The following PCDHA5 variants were observed in gnomAD, a reference collection of about 807,000 sequenced individuals.
PCDHA5 encodes protocadherin alpha-5.
PCDHA5 carries 43 observed loss-of-function variants against 61.6 expected under a neutral mutation model. The ratio of observed to expected loss-of-function variants is 0.70; its 90% CI spans 0.55 to 0.90. PCDHA5 has a LOEUF of 0.90. PCDHA5 is among the 40% of genes least tolerant of loss of function. PCDHA5 has a pLI of 0.00. For missense variants in PCDHA5, 1,298 were observed against 1,222.7 expected, an observed-to-expected ratio of 1.06 and a Z score of -0.92; for synonymous variants, 627 against 543.9, an observed-to-expected ratio of 1.15 and a Z score of -2.13.
At chr5:140,870,659 T>C (rs2052268691) in intron 1 of PCDHA5, 2 of 1,612,520 alleles carry the variant, frequency 1.2e-6, no homozygotes, top group Non-Finnish European at 1.7e-6. Flanking sequence ...GTGTACGCGC[T>C]GCAGCCGTTG....
chr5:141,010,438 CA>C lies in PCDHA5; in HGVS notation c.*504del. ...TACAAGGAAGGCAAGAAAACAAAGA[CA>C]AATAAACAGCGGAAGTTATCAGTAT... On this transcript the variant is annotated 3_prime_UTR_variant, in exon 4 of 4. Transcript: ENST00000529859. 1.0e-6 allele frequency: 1 copy of C among 998,926 alleles called. No individual in the cohort carries two copies. The highest frequency in any genetic ancestry group is 1.4e-6 in the Non-Finnish European group (1 of 704,790). The allele number at this position is 998,926 out of a possible 1,614,324, so 61.9% of individuals were successfully genotyped here.
chr5:140,887,140 A>T (rs1414836088), intron 1 of PCDHA5, among the ~76,000 whole-genome samples: 3 of 150,560 alleles, frequency 2.0e-5, no homozygotes, highest in Non-Finnish European at 4.4e-5. Context: ...TCTGTCGCCC[A>T]GGCTGGAGTA....
chr5:140,850,200 C>T, intron 1 of PCDHA5: 1 of 1,593,442 alleles, frequency 6.3e-7, no homozygotes. Context: ...GCTGACACCT[C>T]GGATGAGGGG....
intron 1 of PCDHA5, among the ~76,000 whole-genome samples, chr5:140,844,789 C>A (rs2150373812): frequency 6.7e-6 from 1 of 149,202 alleles, no homozygotes; most frequent in African/African-American, 2.4e-5. Flanking sequence ...TGGTATCTTT[C>A]AACATTTTCT....
At chr5:140,967,876 G>C (rs369514758) in intron 1 of PCDHA5, 1 of 1,614,144 alleles carries the variant, frequency 6.2e-7, no homozygotes, top group Non-Finnish European at 8.5e-7. Flanking sequence ...TCACGGACCT[G>C]TATAGCCCAG....
chr5:140,891,096 T>A (rs926770209), intron 1 of PCDHA5, among the ~76,000 whole-genome samples: 1 of 152,210 alleles, frequency 6.6e-6, no homozygotes, highest in African/African-American at 2.4e-5. Context: ...ATTGTTGCTG[T>A]CAAGAATTTA....
At chr5:140,919,254 T>A (rs1554198989) in intron 1 of PCDHA5, among the ~76,000 whole-genome samples, 1 of 152,266 alleles carries the variant, frequency 6.6e-6, no homozygotes. Context: ...CTGTTTTGTC[T>A]GATATTAGTG....
At chr5:140,858,157 C>G in intron 1 of PCDHA5, 1 of 1,597,628 alleles carries the variant, frequency 6.3e-7, no homozygotes, top group Non-Finnish European at 8.6e-7. Flanking sequence ...TCGCCATCTG[C>G]GCGGTGTCCA....
At chr5:140,841,911 G>GA (rs2150325443) in intron 1 of PCDHA5, 1 of 1,613,886 alleles carries the variant, frequency 6.2e-7, no homozygotes, top group Non-Finnish European at 8.5e-7. Flanking sequence ...CTCGTATTAA[G>GA]AAAATCCTTG....
intron 1 of PCDHA5, chr5:140,855,801 TGAAA>T: frequency 4.2e-6 from 2 of 474,526 alleles, no homozygotes; most frequent in Non-Finnish European, 7.5e-6. Context: ...AACATATGAA[TGAAA>T]GAAAAGTTGT....
intron 1 of PCDHA5, chr5:140,842,295 A>T (rs2150333615): frequency 2.5e-6 from 4 of 1,610,380 alleles, no homozygotes; most frequent in Non-Finnish European, 3.4e-6. Flanking sequence ...GCCACGGACA[A>T]AGGCCATCCT....
At chr5:140,926,583 G>C in intron 1 of PCDHA5, 1 of 279,462 alleles carries the variant, frequency 3.6e-6, no homozygotes, top group Non-Finnish European at 6.6e-6. Context: ...AGCACCTCTC[G>C]CGCCCGGGCG....
At position 140,843,387 on chromosome 5, in the gene PCDHA5, C is replaced by G. The variant is rs782229636; in HGVS notation, c.2352+19260C>G. On this transcript the variant is annotated intron_variant, in intron 1 of 3. Transcript: ENST00000529859. ...AGGCAGTCGGCTGGCGTTTTGGGTC[C>G]GGAAGCGGCGCTGGTGGATGTCAAC... 7 of 1,595,950 alleles carry G rather than the reference C, an allele frequency of 4.4e-6. 1 individual carries two copies. The Admixed American group carries it at 1.2e-4, about 27-fold the overall frequency.
At chr5:140,884,543 T>A (rs1582792528) in intron 1 of PCDHA5, 1 of 1,614,034 alleles carries the variant, frequency 6.2e-7, no homozygotes, top group Non-Finnish European at 8.5e-7. Flanking sequence ...GCCGAGGGTG[T>A]GCTCTGGGGA....
intron 1 of PCDHA5, among the ~76,000 whole-genome samples, chr5:140,924,127 A>G (rs2081688492): frequency 6.6e-6 from 1 of 152,252 alleles, no homozygotes; most frequent in African/African-American, 2.4e-5. Flanking sequence ...CTTGCTTAGC[A>G]GCATTAATTT....
intron 1 of PCDHA5, among the ~76,000 whole-genome samples, chr5:140,917,639 C>T (rs151007423): frequency 1.6e-4 from 25 of 152,268 alleles, no homozygotes; most frequent in African/African-American, 5.8e-4. Flanking sequence ...AGCTAGTTAT[C>T]CCAGCAATAT....
chr5:140,849,830 G>T lies in PCDHA5; in HGVS notation c.2352+25703G>T. The T allele has an allele frequency of 1.3e-6, 2 of 1,598,574 alleles. 1 individual carries two copies. Among genetic ancestry groups the T allele is most frequent in the Admixed American group, 3.4e-5 (2 of 59,342 alleles). On this transcript the variant is annotated intron_variant, in intron 1 of 3. Coordinates refer to ENST00000529859, the MANE Select transcript of PCDHA5 (RefSeq NM_018908.3). ...CCACGGCCAGGGTGTCTGTGGAGGT[G>T]GCCGACGTGAACGACAACGCACCAG...
chr5:140,884,433 G>T, intron 1 of PCDHA5: 1 of 1,613,908 alleles, frequency 6.2e-7, no homozygotes, highest in Admixed American at 1.7e-5. Context: ...ACTGCGCTGC[G>T]GTGCTCGGCA....
Position 140,827,946 on chromosome 5 carries a change from T to C in PCDHA5, c.2352+3819T>C, listed in dbSNP as rs1769465051. ...ACCATGAAGTTATAGCTAGCCAACA[T>C]TCAAATTTCTTCTATTACTGCATCA... On this transcript the variant is annotated intron_variant, in intron 1 of 3. Coordinates refer to ENST00000529859, the MANE Select transcript of PCDHA5 (RefSeq NM_018908.3). The C allele has an allele frequency of 9.0e-6, 11 of 1,225,792 alleles. No individual in the cohort carries two copies. In the South Asian group the frequency reaches 1.3e-4, roughly 15 times the overall value. 75.9% of individuals were successfully genotyped at this position (1,225,792 alleles called of 1,614,324 possible).
Sources: allele counts gnomAD v4.1 joint callset (sites outside exome capture counted in the v4.1 genomes callset), GRCh38; gene constraint gnomAD v4.1.1; transcripts MANE v1.5; gene names NCBI Gene and HGNC (gene_info 2026-07-23, HGNC 2026-07-21).